The following ST6GALNAC3 variants were observed in gnomAD, a reference collection of about 807,000 sequenced individuals.
ST6GALNAC3 encodes ST6 N-acetylgalactosaminide alpha-2,6-sialyltransferase 3, also known as alpha-N-acetylgalactosaminide alpha-2,6-sialyltransferase 3.
ST6GALNAC3 carries 25 observed loss-of-function variants against 32.7 expected under a neutral mutation model. The observed-to-expected ratio is 0.76, with a 90% CI of 0.56 to 1.07. ST6GALNAC3 has a LOEUF of 1.07. ST6GALNAC3 is among the 50% of genes least tolerant of loss of function. ST6GALNAC3 has a pLI of 0.00. For missense variants in ST6GALNAC3, 355 were observed against 382.4 expected (o/e 0.93, Z 0.60); for synonymous variants, 129 against 133.1 (o/e 0.97, Z 0.21).
At chr1:76,249,192 C>T (rs973619991) in intron 1 of ST6GALNAC3, among the ~76,000 whole-genome samples, 1 of 152,180 alleles carries the variant, frequency 6.6e-6, no homozygotes, top group Admixed American at 6.5e-5. Context: ...AACGTCTCCA[C>T]TCTTTAATTG....
At chr1:76,409,548 A>C (rs202033968) in intron 2 of ST6GALNAC3, among the ~76,000 whole-genome samples, 6 of 151,078 alleles carry the variant, frequency 4.0e-5, no homozygotes, top group Admixed American at 6.6e-5. Context: ...AGAAAAAAAA[A>C]CAGATAATAG....
chr1:76,508,439 TATA>T (rs1661618911), intron 3 of ST6GALNAC3, among the ~76,000 whole-genome samples: 1 of 152,146 alleles, frequency 6.6e-6, no homozygotes, highest in African/African-American at 2.4e-5. Flanking sequence ...ACTATAGTTA[TATA>T]ATGACAGGAA....
chr1:76,149,461 G>A (rs915245504), intron 1 of ST6GALNAC3, among the ~76,000 whole-genome samples: 8 of 152,000 alleles, frequency 5.3e-5, no homozygotes, highest in South Asian at 2.1e-4. Context: ...CCACTTCCCC[G>A]CCCCACCAGC....
At chr1:76,502,190 A>G (rs907769158) in intron 3 of ST6GALNAC3, among the ~76,000 whole-genome samples, 2 of 151,554 alleles carry the variant, frequency 1.3e-5, no homozygotes, top group African/African-American at 4.9e-5. Context: ...ATTTGAGATC[A>G]AGGGATCTCT....
At chr1:76,257,348 C>A (rs952036910) in intron 1 of ST6GALNAC3, among the ~76,000 whole-genome samples, 3 of 152,050 alleles carry the variant, frequency 2.0e-5, no homozygotes, top group East Asian at 1.9e-4. Flanking sequence ...GGTTCTAAAG[C>A]CTGCATGTGC....
intron 3 of ST6GALNAC3, among the ~76,000 whole-genome samples, chr1:76,488,627 A>G (rs1223325535): frequency 6.6e-6 from 1 of 152,184 alleles, no homozygotes; most frequent in African/African-American, 2.4e-5. Context: ...AATTCAAGAC[A>G]TTGTAAAATA....
At chr1:76,324,484 G>C (rs1197985461) in intron 2 of ST6GALNAC3, among the ~76,000 whole-genome samples, 1 of 152,092 alleles carries the variant, frequency 6.6e-6, no homozygotes, top group African/African-American at 2.4e-5. Context: ...TTACCACTGA[G>C]GCCATCTTCC....
intron 2 of ST6GALNAC3, among the ~76,000 whole-genome samples, chr1:76,363,755 C>T (rs538134816): frequency 8.5e-5 from 13 of 152,214 alleles, no homozygotes; most frequent in African/African-American, 1.4e-4. Flanking sequence ...GCCTCAGGAA[C>T]CTTACAATCA....
intron 3 of ST6GALNAC3, among the ~76,000 whole-genome samples, chr1:76,484,041 G>A (rs1214352643): frequency 2.0e-5 from 3 of 152,026 alleles, no homozygotes; most frequent in African/African-American, 7.3e-5. Flanking sequence ...TAAATGTGTG[G>A]TATTATTTCT....
chr1:76,379,609 A>G (rs1017559439), intron 2 of ST6GALNAC3, among the ~76,000 whole-genome samples: 3 of 152,150 alleles, frequency 2.0e-5, no homozygotes, highest in African/African-American at 7.2e-5. Flanking sequence ...GAGGAAGACT[A>G]GAAGAGCTGG....
At chr1:76,434,205 A>G (rs528689211) in intron 3 of ST6GALNAC3, among the ~76,000 whole-genome samples, 1 of 152,330 alleles carries the variant, frequency 6.6e-6, no homozygotes, top group South Asian at 2.1e-4. Flanking sequence ...GGAATCAAAG[A>G]CAGAGGTAAT....
At chr1:76,157,752 G>A (rs970702652) in intron 1 of ST6GALNAC3, among the ~76,000 whole-genome samples, 2 of 152,142 alleles carry the variant, frequency 1.3e-5, no homozygotes, top group Admixed American at 1.3e-4. Context: ...TTACAGTAAT[G>A]TACAGAATAA....
intron 3 of ST6GALNAC3, among the ~76,000 whole-genome samples, chr1:76,559,990 G>A (rs1665153730): frequency 6.6e-6 from 1 of 152,050 alleles, no homozygotes; most frequent in East Asian, 1.9e-4. Context: ...ACATACAATG[G>A]AGCTCCAATA....
At chr1:76,289,340 G>A (rs1659948418) in intron 1 of ST6GALNAC3, among the ~76,000 whole-genome samples, 1 of 152,178 alleles carries the variant, frequency 6.6e-6, no homozygotes, top group African/African-American at 2.4e-5. Flanking sequence ...TCTGATCCCA[G>A]CCCTGGCACT....
At chr1:76,155,572 A>G (rs994051994) in intron 1 of ST6GALNAC3, among the ~76,000 whole-genome samples, 1 of 151,312 alleles carries the variant, frequency 6.6e-6, no homozygotes, top group African/African-American at 2.4e-5. Context: ...GGTTCATGCC[A>G]TTCTCCTGCC....
intron 1 of ST6GALNAC3, among the ~76,000 whole-genome samples, chr1:76,148,723 G>A (rs1371775655): frequency 6.6e-6 from 1 of 152,178 alleles, no homozygotes; most frequent in Non-Finnish European, 1.5e-5. Flanking sequence ...AGGGGCCTCA[G>A]TGGAGGCCAG....
chr1:76,558,326 A>C (rs1665045213), intron 3 of ST6GALNAC3, among the ~76,000 whole-genome samples: 1 of 152,194 alleles, frequency 6.6e-6, no homozygotes, highest in African/African-American at 2.4e-5. Flanking sequence ...ACAATAGCAA[A>C]GACAGGGAAT....
intron 3 of ST6GALNAC3, among the ~76,000 whole-genome samples, chr1:76,622,826 T>A (rs1648733898): frequency 6.6e-6 from 1 of 152,006 alleles, no homozygotes; most frequent in Non-Finnish European, 1.5e-5. Flanking sequence ...TCCAGTTCTC[T>A]TTTGAAAAGT....
chr1:76,537,254 T>C, intron 3 of ST6GALNAC3, among the ~76,000 whole-genome samples: 1 of 152,122 alleles, frequency 6.6e-6, no homozygotes, highest in East Asian at 1.9e-4. Flanking sequence ...AAGACAGAGA[T>C]AAATAATTTC....
Sources: allele counts gnomAD v4.1 joint callset (sites outside exome capture counted in the v4.1 genomes callset), GRCh38; gene constraint gnomAD v4.1.1; transcripts MANE v1.5; gene names NCBI Gene and HGNC (gene_info 2026-07-23, HGNC 2026-07-21).